The following CDK8 variants were observed in gnomAD, a reference collection of about 807,000 sequenced individuals.
CDK8 encodes the protein cyclin-dependent kinase 8.
CDK8 carries 29 observed loss-of-function variants against 71.5 expected under a neutral mutation model. The observed-to-expected ratio is 0.41, with a 90% CI of 0.30 to 0.55. The LOEUF is 0.55. Among genes scored for constraint, CDK8 ranks in the 20% least tolerant of loss-of-function variants. The pLI, the probability that CDK8 is intolerant of heterozygous loss-of-function variation, is 0.37. For synonymous variants in CDK8, 161 were observed against 192.1 expected (o/e 0.84, Z 1.34); for missense variants, 288 against 572.6 (o/e 0.50, Z 5.07).
chr13:26,350,593 G>A (rs925514595), intron 3 of CDK8, among the ~76,000 whole-genome samples: 1 of 152,034 alleles, frequency 6.6e-6, no homozygotes, highest in Non-Finnish European at 1.5e-5. Context: ...ACTCCAGCCC[G>A]GCTAATTTTT....
At chr13:26,403,935 T>C (rs1156965995) in intron 12 of CDK8, 21 bp from the exon 13 acceptor site, 1 of 1,608,314 alleles carries the variant, frequency 6.2e-7, no homozygotes, top group South Asian at 1.1e-5. Flanking sequence ...GAATCACACT[T>C]TTCCCTCATC....
At chr13:26,382,926 G>T in intron 5 of CDK8, 55 bp downstream of exon 5, 1 of 1,151,588 alleles carries the variant, frequency 8.7e-7, no homozygotes, top group South Asian at 1.5e-5. Flanking sequence ...ACTTTTGCAG[G>T]CAGCTATATC....
intron 1 of CDK8, among the ~76,000 whole-genome samples, chr13:26,306,899 G>A (rs1673400820): frequency 6.6e-6 from 1 of 152,044 alleles, no homozygotes; most frequent in South Asian, 2.1e-4. Context: ...AAAGTGCTGG[G>A]ATTACAGGCT....
chr13:26,285,412 A>T (rs1301039113), intron 1 of CDK8, among the ~76,000 whole-genome samples: 1 of 152,362 alleles, frequency 6.6e-6, no homozygotes, highest in East Asian at 1.9e-4. Flanking sequence ...AAAATCAAAG[A>T]TCGTATCAAT....
At chr13:26,261,033 C>A (rs936071915) in intron 1 of CDK8, among the ~76,000 whole-genome samples, 14 of 152,196 alleles carry the variant, frequency 9.2e-5, no homozygotes, top group Non-Finnish European at 8.8e-5. Flanking sequence ...ATTACGTAGC[C>A]TTGGTCATGT....
At chr13:26,290,941 C>A (rs1306992901) in intron 1 of CDK8, among the ~76,000 whole-genome samples, 2 of 151,698 alleles carry the variant, frequency 1.3e-5, no homozygotes, top group African/African-American at 4.8e-5. Context: ...ATGGTGAAAC[C>A]CTGTCTGTAC....
intron 1 of CDK8, among the ~76,000 whole-genome samples, chr13:26,308,612 G>A (rs915105942): frequency 6.6e-6 from 1 of 152,114 alleles, no homozygotes; most frequent in Non-Finnish European, 1.5e-5. Context: ...TCCTGATCTT[G>A]GTAGATATTT....
chr13:26,358,324 C>T (rs1873987577), intron 4 of CDK8, among the ~76,000 whole-genome samples: 1 of 151,748 alleles, frequency 6.6e-6, no homozygotes, highest in South Asian at 2.1e-4. Context: ...ATAAAAAAGT[C>T]ATCCTATACA....
chr13:26,322,053 A>C (rs1874801107), intron 1 of CDK8, among the ~76,000 whole-genome samples: 2 of 152,116 alleles, frequency 1.3e-5, no homozygotes, highest in African/African-American at 4.8e-5. Context: ...TAGAAATCCT[A>C]TTCCTGGTCT....
At chr13:26,303,882 C>CT (rs1257701888) in intron 1 of CDK8, among the ~76,000 whole-genome samples, 16 of 152,132 alleles carry the variant, frequency 1.1e-4, no homozygotes, top group Non-Finnish European at 4.4e-5. Context: ...ATTACTTTGT[C>CT]TGTTATTAAC....
chr13:26,263,284 C>T (rs978648320), intron 1 of CDK8, among the ~76,000 whole-genome samples: 6 of 149,622 alleles, frequency 4.0e-5, no homozygotes, highest in Admixed American at 2.7e-4. Context: ...TACAGGCGCC[C>T]GCCACCACAC....
intron 1 of CDK8, among the ~76,000 whole-genome samples, chr13:26,282,471 CT>C (rs1484392512): frequency 1.3e-5 from 2 of 152,092 alleles, no homozygotes; most frequent in African/African-American, 4.8e-5. Flanking sequence ...CAAAATGAAC[CT>C]TCATAAATGG....
chr13:26,392,610 G>A (rs1413243041), intron 6 of CDK8, among the ~76,000 whole-genome samples: 2 of 152,122 alleles, frequency 1.3e-5, no homozygotes, highest in South Asian at 2.1e-4. Flanking sequence ...ATAGGCATGA[G>A]CCACCACACC....
chr13:26,288,197 C>T (rs1464028870), intron 1 of CDK8, among the ~76,000 whole-genome samples: 1 of 152,090 alleles, frequency 6.6e-6, no homozygotes, highest in Admixed American at 6.5e-5. Context: ...TTCCTGACCT[C>T]GTGATCCGCC....
intron 1 of CDK8, among the ~76,000 whole-genome samples, chr13:26,263,766 AGACGGAGTCTC>A (rs1871893070): frequency 1.7e-5 from 2 of 118,408 alleles, no homozygotes; most frequent in Non-Finnish European, 3.4e-5. Context: ...TTTTTTTTCG[AGACGGAGTCTC>A]GCTATGTCAC....
intron 1 of CDK8, among the ~76,000 whole-genome samples, chr13:26,335,742 T>TG (rs1872950803): frequency 6.6e-6 from 1 of 152,158 alleles, no homozygotes; most frequent in African/African-American, 2.4e-5. Flanking sequence ...CTTATCTGTC[T>TG]GTTCTCTATA....
chr13:26,373,902 A>G (rs1432648378), intron 4 of CDK8, among the ~76,000 whole-genome samples: 1 of 151,434 alleles, frequency 6.6e-6, no homozygotes, highest in East Asian at 1.9e-4. Context: ...CATGAATGGA[A>G]CAGGCGCAGT....
Position 26,404,910 on chromosome 13 carries a change from A to G in CDK8, c.*829A>G, listed in dbSNP as rs1876440767. ...GAGCATGCTTTAAGATGAAAAAAGC[A>G]TGAATGATAACTTCCTTAAAAAGGT... is the stretch of plus-strand genomic sequence containing the variant. On this transcript the variant is annotated 3_prime_UTR_variant, in exon 13 of 13. Transcript: ENST00000381527. 1 of 209,784 alleles carries G rather than the reference A, an allele frequency of 4.8e-6. No homozygotes were observed. The highest frequency in any genetic ancestry group is 7.3e-5 in the East Asian group (1 of 13,786). The allele number at this position is 209,784 out of a possible 1,614,324, so 13.0% of individuals were successfully genotyped here.
intron 3 of CDK8, 34 bp downstream of exon 3, chr13:26,349,216 G>A: frequency 1.7e-6 from 2 of 1,146,436 alleles, no homozygotes; most frequent in Non-Finnish European, 2.6e-6. Flanking sequence ...TGAGCAAACA[G>A]TCAGGGATTG....
Sources: allele counts gnomAD v4.1 joint callset (sites outside exome capture counted in the v4.1 genomes callset), GRCh38; gene constraint gnomAD v4.1.1; transcripts MANE v1.5; gene names NCBI Gene and HGNC (gene_info 2026-07-23, HGNC 2026-07-21).